The following SSX3 variants were observed in gnomAD, a reference collection of about 807,000 sequenced individuals.
The protein encoded by SSX3 is SSX family member 3.
In SSX3, 6 loss-of-function variants were observed where a neutral mutation model predicts 14.8. The ratio of observed to expected loss-of-function variants is 0.41; its 90% CI spans 0.22 to 0.80. The LOEUF is 0.80. Ranked by LOEUF, SSX3 falls within the 30% of genes least tolerant of loss-of-function variation. The pLI, the probability that SSX3 is intolerant of heterozygous loss-of-function variation, is 0.34. For synonymous variants in SSX3, 55 were observed against 52.9 expected (o/e 1.04, Z -0.18); for missense variants, 163 against 152.2 (o/e 1.07, Z -0.37).
At chrX:48,348,961 T>C (rs146599096) in intron 6 of SSX3, among the ~76,000 whole-genome samples, 97 of 112,374 alleles carry the variant, frequency 8.6e-4, no homozygotes, top group African/African-American at 3.1e-3. Flanking sequence ...AAGCCGTCTC[T>C]ATAACATAAA....
chrX:48,354,764 A>AG lies in SSX3; in HGVS notation c.70-19dup, dbSNP rs1556950672. 2.9e-5 allele frequency: 34 copies of AG among 1,186,115 alleles called. No homozygotes were observed. The highest frequency in any genetic ancestry group is 1.1e-4 in the Admixed American group (5 of 44,647). On this transcript the variant is annotated intron_variant, in intron 2 of 7. Transcript: ENST00000298396. The stretch of plus-strand genomic sequence containing the variant: ...TCGAAGGCCTACAAAAAAAAAAAAA[A>AG]GGAATTATGGCAGGGACTCAGCTAG...
chrX:48,347,395 A>G (rs1373352226), intron 7 of SSX3, 105 bp downstream of exon 7: 43 of 1,114,793 alleles, frequency 3.9e-5, no homozygotes, highest in Non-Finnish European at 9.8e-6. Context: ...CTAGAAAATT[A>G]TAAGAAGGGA....
intron 6 of SSX3, chrX:48,348,393 G>C (rs1321687473): frequency 1.9e-6 from 1 of 519,273 alleles, no homozygotes; most frequent in Non-Finnish European, 3.5e-6. Flanking sequence ...TCTTCTGACT[G>C]CTCCACCGAT....
intron 2 of SSX3, 74 bp from the exon 3 acceptor site, chrX:48,354,820 C>T: frequency 8.3e-7 from 1 of 1,201,707 alleles, no homozygotes; most frequent in Non-Finnish European, 1.1e-6. Context: ...GAGTCGCTTC[C>T]TGTGTGCTGG....
intron 1 of SSX3, among the ~76,000 whole-genome samples, chrX:48,355,660 G>C (rs1333423398): frequency 3.6e-5 from 4 of 111,304 alleles, no homozygotes; most frequent in Non-Finnish European, 7.5e-5. Flanking sequence ...ATAAATAAAG[G>C]AAGGGAAGTT....
intron 3 of SSX3, among the ~76,000 whole-genome samples, chrX:48,354,381 G>C (rs1265013267): frequency 2.8e-5 from 3 of 108,780 alleles, no homozygotes; most frequent in African/African-American, 1.0e-4. Context: ...CACAGAGACA[G>C]TTGGGCTCAT....
intron 5 of SSX3, among the ~76,000 whole-genome samples, chrX:48,351,016 G>A (rs781973153): frequency 6.4e-5 from 7 of 109,894 alleles, no homozygotes; most frequent in Non-Finnish European, 1.3e-4. Context: ...TGATCTGCCC[G>A]ACTCAGCCTC....
At chrX:48,356,425 A>C (rs1244425582) in intron 1 of SSX3, among the ~76,000 whole-genome samples, 1 of 111,124 alleles carries the variant, frequency 9.0e-6, no homozygotes, top group Non-Finnish European at 1.9e-5. Context: ...AAATTTCTTA[A>C]GTTACTACAG....
intron 1 of SSX3, among the ~76,000 whole-genome samples, chrX:48,355,884 T>A (rs186326532): frequency 4.5e-5 from 5 of 112,154 alleles, no homozygotes; most frequent in East Asian, 5.6e-4. Context: ...GCATTTCAAG[T>A]TGCAGCAATC....
intron 4 of SSX3, 50 bp from the exon 5 acceptor site, chrX:48,352,199 C>T: frequency 8.6e-7 from 1 of 1,164,211 alleles, no homozygotes; most frequent in Non-Finnish European, 1.2e-6. Flanking sequence ...GGTTTCCAAA[C>T]TCTAGAGAGA....
At chrX:48,354,167 C>G (rs2061275420) in intron 3 of SSX3, 73 bp from the exon 4 acceptor site, 2 of 942,557 alleles carry the variant, frequency 2.1e-6, no homozygotes, top group Non-Finnish European at 3.0e-6. Flanking sequence ...GTCTGTAGTA[C>G]CAACACTTTG....
Position 48,354,724 on chromosome X carries a change from T to C in SSX3, c.92A>G (p.Tyr31Cys). The change falls in exon 3 of 8, where the codon TAC becomes TGC. Residue 31 changes from tyrosine (Y) to cysteine (C), a missense_variant. Coordinates refer to ENST00000298396, the MANE Select transcript of SSX3 (RefSeq NM_021014.4). Reference sequence around the variant, plus strand: ...CTTTTCCCACTCTTCCTTAGAGAAGTATTTGGCAATATCATCGAAGGCCTA... The same window carrying C: ...CTTTTCCCACTCTTCCTTAGAGAAGCATTTGGCAATATCATCGAAGGCCTA... ...IQKAFDDIAK[Y>C]FSKEEWEKMK... 8.3e-7 allele frequency: 1 copy of C among 1,204,981 alleles called. No individual in the cohort carries two copies. Among genetic ancestry groups the C allele is most frequent in the Non-Finnish European group, 1.1e-6 (1 of 892,951 alleles).
chrX:48,354,760 A>G lies in SSX3; in HGVS notation c.70-14T>C. The G allele has an allele frequency of 6.6e-6, 8 of 1,205,617 alleles. No individual in the cohort carries two copies. The highest frequency in any genetic ancestry group is 9.0e-6 in the Non-Finnish European group (8 of 892,877). On this transcript the variant is annotated splice_polypyrimidine_tract_variant and intron_variant, in intron 2 of 7. Transcript: ENST00000298396. ...ATCATCGAAGGCCTACAAAAAAAAA[A>G]AAAAGGAATTATGGCAGGGACTCAG...
chrX:48,349,904 G>C, intron 6 of SSX3, 83 bp downstream of exon 6: 1 of 1,192,871 alleles, frequency 8.4e-7, no homozygotes, highest in Admixed American at 2.3e-5. Context: ...GGGTTATCTG[G>C]GATCCATGCC....
At position 48,347,522 on chromosome X, in the gene SSX3, A is replaced by G. The variant is rs2061244053; in HGVS notation, c.549T>C (p.Pro183=). 8.3e-7 allele frequency: 1 copy of G among 1,208,693 alleles called. No homozygotes were observed. The change falls in exon 7 of 8, where the codon CCT becomes CCC. Residue 183 remains proline (P), a synonymous_variant. Transcript: ENST00000298396. ...TACGGAGTTACTCATCATCTTCCTC[A>G]GGATCGCTGATCTCTTCATAAATCA... ...QLVIYEEISD[P]EEDDE
At chrX:48,349,627 T>C in intron 6 of SSX3, 1 of 1,203,458 alleles carries the variant, frequency 8.3e-7, no homozygotes, top group South Asian at 1.8e-5. Flanking sequence ...TAAGATATGA[T>C]CCCAGGTTAT....
chrX:48,355,943 G>T (rs147878880), intron 1 of SSX3, among the ~76,000 whole-genome samples: 525 of 111,396 alleles, frequency 4.7e-3, no homozygotes, highest in African/African-American at 0.016. Flanking sequence ...TTGGGAGGCC[G>T]AGGCGTGCAG....
Position 48,354,747 on chromosome X carries a change from C to CA in SSX3, c.70-2_70-1insT. ...AGTATTTGGCAATATCATCGAAGGCCTACAAAAAAAAAAAAAAGGAATTAT... is the reference window on the plus strand; with the variant it reads ...AGTATTTGGCAATATCATCGAAGGCCATACAAAAAAAAAAAAAAGGAATTAT... On this transcript the variant is annotated splice_acceptor_variant, in intron 2 of 7. Transcript: ENST00000298396. LOFTEE classifies it high-confidence loss of function. The CA allele has an allele frequency of 8.4e-7, 1 of 1,183,933 alleles. No homozygotes were observed. The highest frequency in any genetic ancestry group is 2.5e-5 in the Admixed American group (1 of 40,765).
intron 5 of SSX3, among the ~76,000 whole-genome samples, chrX:48,350,463 A>G (rs1206250962): frequency 1.8e-5 from 2 of 111,659 alleles, no homozygotes; most frequent in African/African-American, 6.5e-5. Flanking sequence ...CAAAGGGAAG[A>G]GGTTCTGTAA....
Sources: gnomAD v4.1 joint callset for allele counts (sites outside exome capture counted in the v4.1 genomes callset) on GRCh38, gnomAD v4.1.1 for gene constraint, MANE v1.5 for transcripts, NCBI Gene and HGNC (gene_info 2026-07-23, HGNC 2026-07-21) for gene names.